KMT2C: variants seen among roughly 807,000 people sequenced by gnomAD.
The protein encoded by KMT2C is lysine methyltransferase 2C, also known as histone-lysine N-methyltransferase 2C.
KMT2C carries 88 observed loss-of-function variants against 507.9 expected under a neutral mutation model. That is an observed-to-expected ratio of 0.17 (90% CI 0.15 to 0.21). The LOEUF is 0.21. Among genes scored for constraint, KMT2C ranks in the 10% least tolerant of loss-of-function variants. KMT2C has a pLI of 1.00. For synonymous variants in KMT2C, 2,049 were observed against 2,080.8 expected (o/e 0.98, Z 0.42); for missense variants, 4,954 against 5,957.8 (o/e 0.83, Z 5.55).
At chr7:152,186,355 C>T (rs1397040569) in intron 33 of KMT2C, among the ~76,000 whole-genome samples, 2 of 152,104 alleles carry the variant, frequency 1.3e-5, no homozygotes, top group Admixed American at 6.5e-5. Flanking sequence ...TGTGCTGACA[C>T]AAAATGACAA....
intron 1 of KMT2C, among the ~76,000 whole-genome samples, chr7:152,374,360 G>A (rs2097312961): frequency 6.6e-6 from 1 of 151,130 alleles, no homozygotes. Context: ...AAATTGAAAA[G>A]AAATTTTAAA....
intron 1 of KMT2C, among the ~76,000 whole-genome samples, chr7:152,395,814 A>G (rs1223848219): frequency 2.6e-5 from 4 of 152,188 alleles, no homozygotes; most frequent in Admixed American, 2.0e-4. Context: ...ATATTAATAT[A>G]TATAACTCAG....
chr7:152,165,572 T>C, intron 42 of KMT2C, among the ~76,000 whole-genome samples: 1 of 152,252 alleles, frequency 6.6e-6, no homozygotes, highest in South Asian at 2.1e-4. Flanking sequence ...GATCACCTTA[T>C]TGTTGGTACA....
intron 1 of KMT2C, among the ~76,000 whole-genome samples, chr7:152,396,682 T>C (rs2097540062): frequency 6.6e-6 from 1 of 152,090 alleles, no homozygotes; most frequent in African/African-American, 2.4e-5. Context: ...AAAGAAAAAA[T>C]GCTATTAGAA....
chr7:152,315,421 C>T (rs1396763451), intron 3 of KMT2C, 83 bp from the exon 4 acceptor site: 1 of 961,914 alleles, frequency 1.0e-6, no homozygotes, highest in Non-Finnish European at 1.6e-6. Flanking sequence ...GATACTTGTG[C>T]TTTTAAATTA....
At position 152,255,109 on chromosome 7, in the gene KMT2C, TTATATATATATATATATATA is replaced by T. The variant is rs1207305132; in HGVS notation, c.1300-2414_1300-2395del. ...AATCAAGATGTCAATCAACTCTCAC[TTATATATATATATATATATA>T]TATATATATATATATACATATATAT... On this transcript the variant is annotated intron_variant, in intron 9 of 58. Coordinates refer to ENST00000262189, the MANE Select transcript of KMT2C (RefSeq NM_170606.3). 4.7e-3 allele frequency among the ~76,000 whole-genome samples: 369 copies of T among 78,350 alleles called. 8 individuals carry two copies. The highest frequency in any genetic ancestry group is 8.3e-3 in the Middle Eastern group (1 of 120). 51.4% of individuals were successfully genotyped at this position (78,350 alleles called of 152,430 possible). A position where few individuals can be genotyped will look rare whatever the true frequency, so the allele number is the denominator to read the frequency against.
chr7:152,369,761 C>T (rs58130950), intron 1 of KMT2C, among the ~76,000 whole-genome samples: 1,845 of 152,282 alleles, frequency 0.012, 43 homozygotes, highest in African/African-American at 0.043. Context: ...TCACCACATG[C>T]GGCAACCCAT....
At chr7:152,158,513 T>C (rs547846866) in intron 44 of KMT2C, among the ~76,000 whole-genome samples, 7 of 150,916 alleles carry the variant, frequency 4.6e-5, no homozygotes, top group Admixed American at 4.6e-4. Flanking sequence ...AATTGTTTGT[T>C]TTTTTTTTGT....
At chr7:152,414,506 C>A (rs569356516) in intron 1 of KMT2C, among the ~76,000 whole-genome samples, 1 of 151,986 alleles carries the variant, frequency 6.6e-6, no homozygotes, top group Admixed American at 6.6e-5. Context: ...CCAGCCTGGG[C>A]AACAAGCACG....
rs769251900 is a variant in KMT2C at position 152,163,405 on chromosome 7, A to G, written c.10172T>C (p.Phe3391Ser). 1 of 1,614,054 alleles carries G rather than the reference A, an allele frequency of 6.2e-7. No homozygotes were observed. Among genetic ancestry groups the G allele is most frequent in the Non-Finnish European group, 8.5e-7 (1 of 1,180,010 alleles). ...PRVEFDDNNPFSESFQERERK... is the reference protein window; with the variant it reads ...PRVEFDDNNPSSESFQERERK... ...TTCCCGTTCTTGAAAACTTTCACTA[A>G]AGGGATTGTTGTCATCAAATTCTAC... The change falls in exon 43 of 59, where the codon TTT (phenylalanine) becomes TCT (serine). Residue 3391 changes from phenylalanine to serine, a missense_variant. Physicochemically the swap from Phe to Ser is radical, Grantham distance 155 (BLOSUM62 -2). Transcript: ENST00000262189.
At chr7:152,200,438 T>C (rs891825787) in intron 26 of KMT2C, among the ~76,000 whole-genome samples, 10 of 152,170 alleles carry the variant, frequency 6.6e-5, no homozygotes, top group African/African-American at 2.4e-4. Context: ...CAGTAAATTA[T>C]AAAATACAGG....
chr7:152,251,391 T>C (rs1175348510), intron 11 of KMT2C, among the ~76,000 whole-genome samples: 3 of 152,202 alleles, frequency 2.0e-5, no homozygotes, highest in Non-Finnish European at 2.9e-5. Flanking sequence ...GATGTTTAGT[T>C]ATCCTTGAAG....
chr7:152,251,873 TTG>T, intron 11 of KMT2C, 64 bp downstream of exon 11: 1 of 1,156,962 alleles, frequency 8.6e-7, no homozygotes. Context: ...AAGCAATATA[TTG>T]GTGATACAAT....
chr7:152,257,867 A>G (rs777589419), intron 9 of KMT2C, among the ~76,000 whole-genome samples: 10 of 126,226 alleles, frequency 7.9e-5, no homozygotes, highest in East Asian at 4.6e-4. Context: ...ACACACACGC[A>G]CACACACACA....
At chr7:152,147,819 T>G (rs921456356) in intron 52 of KMT2C, among the ~76,000 whole-genome samples, 1 of 152,132 alleles carries the variant, frequency 6.6e-6, no homozygotes, top group East Asian at 1.9e-4. Flanking sequence ...CCAACTCGTA[T>G]GTTCAAAGAT....
chr7:152,187,945 G>A (rs189165605), intron 31 of KMT2C, 98 bp from the exon 32 acceptor site: 1 of 1,128,572 alleles, frequency 8.9e-7, no homozygotes, highest in East Asian at 2.4e-5. Flanking sequence ...TAACTGCATG[G>A]GTCCACATAA....
intron 1 of KMT2C, among the ~76,000 whole-genome samples, chr7:152,426,163 T>C (rs1019801528): frequency 6.6e-6 from 1 of 151,792 alleles, no homozygotes; most frequent in Non-Finnish European, 1.5e-5. Flanking sequence ...GACATCTGCG[T>C]ACAAAGAAAA....
At chr7:152,290,279 T>TAC (rs2096397608) in intron 6 of KMT2C, among the ~76,000 whole-genome samples, 1 of 35,654 alleles carries the variant, frequency 2.8e-5, no homozygotes, top group Non-Finnish European at 5.4e-5. Flanking sequence ...TATATATATA[T>TAC]ATATATATAT....
intron 1 of KMT2C, among the ~76,000 whole-genome samples, chr7:152,425,531 C>T (rs1161258399): frequency 6.6e-6 from 1 of 152,142 alleles, no homozygotes; most frequent in Non-Finnish European, 1.5e-5. Context: ...AAGCCGAGAT[C>T]GTGCCACTGC....
Sources: gnomAD v4.1 joint callset for allele counts (sites outside exome capture counted in the v4.1 genomes callset) on GRCh38, gnomAD v4.1.1 for gene constraint, MANE v1.5 for transcripts, NCBI Gene and HGNC (gene_info 2026-07-23, HGNC 2026-07-21) for gene names.